SLC24A4: variants seen among roughly 807,000 people sequenced by gnomAD.
SLC24A4 encodes the protein solute carrier family 24 member 4.
Under a neutral mutation model 79.0 loss-of-function variants are expected in SLC24A4, and 53 were observed. That is an observed-to-expected ratio of 0.67 (90% CI 0.54 to 0.84). The LOEUF (loss-of-function observed/expected upper bound fraction) is 0.84, where lower values mean the gene tolerates loss of function less well. SLC24A4 is among the 40% of genes least tolerant of loss of function. The probability of loss-of-function intolerance (pLI) is 0.00; values close to 1 mark genes in which losing one functional copy is unlikely to be tolerated. For missense variants in SLC24A4, 731 were observed against 822.0 expected (o/e 0.89, Z 1.35); for synonymous variants, 323 against 323.8 (o/e 1.00, Z 0.03).
rs537848295 is a variant in SLC24A4, at chr14:92,334,888, C to T, written c.241+8910C>T. Among the ~76,000 whole-genome samples the T allele has an allele frequency of 2.8e-4, 42 of 151,502 alleles. 2 individuals are homozygous for T. The highest frequency in any genetic ancestry group is 7.3e-4 in the African/African-American group (30 of 41,018). ...CTGCCATCATCATCATCATCATCAT[C>T]GTCATCATCATCATCATCATCGTCA... On this transcript the variant is annotated intron_variant, in intron 2 of 16. Coordinates refer to ENST00000532405, the MANE Select transcript of SLC24A4 (RefSeq NM_153646.4).
At chr14:92,413,665 C>T (rs2141799641) in intron 2 of SLC24A4, among the ~76,000 whole-genome samples, 1 of 152,350 alleles carries the variant, frequency 6.6e-6, no homozygotes, top group African/African-American at 2.4e-5. Context: ...ACGCTCAGTG[C>T]TTGTTGGAAA....
intron 12 of SLC24A4, among the ~76,000 whole-genome samples, chr14:92,478,490 C>G (rs1427796858): frequency 1.3e-5 from 2 of 152,136 alleles, no homozygotes; most frequent in Non-Finnish European, 2.9e-5. Flanking sequence ...TTATTCCATT[C>G]TTATGCCAGT....
At chr14:92,491,430 C>T (rs1429586402) in intron 14 of SLC24A4, among the ~76,000 whole-genome samples, 1 of 152,180 alleles carries the variant, frequency 6.6e-6, no homozygotes, top group African/African-American at 2.4e-5. Context: ...TTCTTAGGTA[C>T]TGAGGGTTAG....
chr14:92,441,931 G>A lies in SLC24A4; in HGVS notation c.394-158G>A, dbSNP rs1291858045. On this transcript the variant is annotated intron_variant, in intron 4 of 16. Coordinates refer to ENST00000532405, the MANE Select transcript of SLC24A4 (RefSeq NM_153646.4). The surrounding 1 kb of genome is among the most constrained non-coding windows in gnomAD (Gnocchi z 4.6). ...GGAGGCTGGAGGGCAGATGGCAGAG[G>A]GCACACAGCATGTGCCCAGGGGTGA... Among the ~76,000 whole-genome samples the A allele has an allele frequency of 1.3e-5, 2 of 152,166 alleles. No individual in the cohort carries two copies. Among genetic ancestry groups the A allele is most frequent in the Non-Finnish European group, 2.9e-5 (2 of 68,026 alleles).
At chr14:92,403,301 A>G (rs950029773) in intron 2 of SLC24A4, among the ~76,000 whole-genome samples, 2 of 152,086 alleles carry the variant, frequency 1.3e-5, no homozygotes, top group African/African-American at 2.4e-5. Flanking sequence ...GTTCAAGATG[A>G]CAGACTTAAA....
At chr14:92,469,509 A>G (rs1243268922) in intron 12 of SLC24A4, among the ~76,000 whole-genome samples, 1 of 150,792 alleles carries the variant, frequency 6.6e-6, no homozygotes, top group East Asian at 1.9e-4. Flanking sequence ...CTCCATCTCA[A>G]AAAAAAAAAG....
chr14:92,485,863 G>T (rs867099818), intron 13 of SLC24A4, among the ~76,000 whole-genome samples: 1 of 152,206 alleles, frequency 6.6e-6, no homozygotes, highest in Non-Finnish European at 1.5e-5. Flanking sequence ...TTAAACCAGG[G>T]TCATGGGGTC....
At chr14:92,345,806 G>C (rs1353552865) in intron 2 of SLC24A4, among the ~76,000 whole-genome samples, 1 of 152,196 alleles carries the variant, frequency 6.6e-6, no homozygotes, top group Non-Finnish European at 1.5e-5. Flanking sequence ...CCCACCCCCT[G>C]TATGCCAGGC....
intron 2 of SLC24A4, among the ~76,000 whole-genome samples, chr14:92,365,050 C>T (rs1887748637): frequency 6.6e-6 from 1 of 152,242 alleles, no homozygotes. Context: ...TTGAAGCCCT[C>T]CTGGCTACCC....
chr14:92,500,000 C>G lies in SLC24A4; in HGVS notation c.*6372C>G, dbSNP rs1412845939. 1 of 152,062 alleles carries G rather than the reference C, an allele frequency of 6.6e-6. No individual in the cohort carries two copies. Among genetic ancestry groups the G allele is most frequent in the Non-Finnish European group, 1.5e-5 (1 of 68,100 alleles). 9.4% of individuals were successfully genotyped at this position (152,062 alleles called of 1,614,324 possible). On this transcript the variant is annotated 3_prime_UTR_variant, in exon 17 of 17. Coordinates refer to ENST00000532405, the MANE Select transcript of SLC24A4 (RefSeq NM_153646.4). ...GACTACAGGCGCCTGCCACCACACCCAGCTAATTTTTTGTATTTTTGGTAC... is the reference window on the plus strand; with the variant it reads ...GACTACAGGCGCCTGCCACCACACCGAGCTAATTTTTTGTATTTTTGGTAC...
intron 12 of SLC24A4, among the ~76,000 whole-genome samples, chr14:92,475,417 G>A (rs767521655): frequency 6.4e-4 from 98 of 152,334 alleles, no homozygotes; most frequent in East Asian, 2.3e-3. Context: ...TACCAGCTGT[G>A]TTTGCAACCC....
chr14:92,422,297 G>T (rs1486703994), intron 2 of SLC24A4, among the ~76,000 whole-genome samples: 1 of 152,240 alleles, frequency 6.6e-6, no homozygotes, highest in African/African-American at 2.4e-5. Context: ...GCTAGTGGAG[G>T]TAACAAGCAT....
chr14:92,434,048 C>A, intron 3 of SLC24A4, 60 bp downstream of exon 3: 3 of 1,305,416 alleles, frequency 2.3e-6, no homozygotes, highest in Non-Finnish European at 3.3e-6. Context: ...CTCTGCACAG[C>A]GGGGCAGAGC....
intron 12 of SLC24A4, among the ~76,000 whole-genome samples, chr14:92,466,607 C>G (rs567490134): frequency 1.1e-4 from 16 of 152,278 alleles, no homozygotes; most frequent in African/African-American, 3.9e-4. Context: ...GAAGAAGAGA[C>G]TGGGAAAACT....
chr14:92,350,104 G>A (rs576952146), intron 2 of SLC24A4, among the ~76,000 whole-genome samples: 1 of 152,332 alleles, frequency 6.6e-6, no homozygotes, highest in East Asian at 1.9e-4. Flanking sequence ...TGAATGTGTT[G>A]AGCCCTGTTG....
intron 12 of SLC24A4, among the ~76,000 whole-genome samples, chr14:92,458,860 G>C (rs1280985286): frequency 6.6e-6 from 1 of 152,200 alleles, no homozygotes; most frequent in Admixed American, 6.5e-5. Flanking sequence ...TGCCAGGGAG[G>C]GCCAGAGTGC....
At chr14:92,375,372 G>A (rs749348476) in intron 2 of SLC24A4, among the ~76,000 whole-genome samples, 6 of 152,212 alleles carry the variant, frequency 3.9e-5, no homozygotes, top group Non-Finnish European at 7.3e-5. Context: ...GTAAAATGGC[G>A]CTCCTGTGGA....
chr14:92,443,379 A>G (rs766329408), intron 6 of SLC24A4, 21 bp from the exon 7 acceptor site: 58 of 1,613,612 alleles, frequency 3.6e-5, no homozygotes, highest in Non-Finnish European at 4.6e-5. Flanking sequence ...ATAGCAGCCA[A>G]CGACGGGGCT....
Position 92,441,842 on chromosome 14 carries a change from T to A in SLC24A4, c.394-247T>A, listed in dbSNP as rs532973214. On this transcript the variant is annotated intron_variant, in intron 4 of 16. Coordinates refer to ENST00000532405, the MANE Select transcript of SLC24A4 (RefSeq NM_153646.4). This position sits in a 1 kb window ranked among gnomAD's most constrained non-coding sequence, Gnocchi z 4.6. The stretch of plus-strand genomic sequence containing the variant: ...AGGGAGACATTATTTGGTCACGGGC[T>A]TGGAGGACAAACAGAAAGGAGATAG... Among the ~76,000 whole-genome samples the A allele has an allele frequency of 6.6e-6, 1 of 152,290 alleles. No homozygotes were observed. The highest frequency in any genetic ancestry group is 2.4e-5 in the African/African-American group (1 of 41,566).
Sources: allele counts gnomAD v4.1 joint callset (sites outside exome capture counted in the v4.1 genomes callset), GRCh38; gene constraint gnomAD v4.1.1; non-coding constraint Gnocchi (gnomAD v3.1); transcripts MANE v1.5; gene names NCBI Gene and HGNC (gene_info 2026-07-23, HGNC 2026-07-21).